Variants in SMIM13 observed in about 807,000 individuals in gnomAD.
SMIM13 encodes small integral membrane protein 13.
SMIM13 carries 3 observed loss-of-function variants against 5.9 expected under a neutral mutation model. The observed-to-expected ratio is 0.51, with a 90% CI of 0.23 to 1.31. The LOEUF (loss-of-function observed/expected upper bound fraction) is 1.31. Ranked by LOEUF, SMIM13 falls within the 40% of genes most tolerant of loss-of-function variation. SMIM13 has a pLI of 0.18. For synonymous variants in SMIM13, 55 were observed against 46.0 expected (o/e 1.19, Z -0.79); for missense variants, 85 against 109.9 (o/e 0.77, Z 1.01).
At position 11,105,003 on chromosome 6, in the gene SMIM13, A is replaced by G. The variant is rs900271216; in HGVS notation, c.76+10614A>G. On this transcript the variant is annotated intron_variant, in intron 1 of 1. Transcript: ENST00000416247. ...TCCGAAAATGGGAGGTTTCTGGCGG[A>G]TATCAGGGAAATCTTGCTTTACTGT... 3 of 1,614,204 alleles carry G rather than the reference A, an allele frequency of 1.9e-6. No homozygotes were observed. Among genetic ancestry groups the G allele is most frequent in the Non-Finnish European group, 2.5e-6 (3 of 1,180,042 alleles).
intron 1 of SMIM13, among the ~76,000 whole-genome samples, chr6:11,133,986 C>G (rs1758486060): frequency 6.6e-6 from 1 of 151,698 alleles, no homozygotes; most frequent in South Asian, 2.1e-4. Context: ...CTGTTTAAGG[C>G]CTTATGGATT....
At chr6:11,132,879 A>T (rs1758469349) in intron 1 of SMIM13, among the ~76,000 whole-genome samples, 1 of 152,188 alleles carries the variant, frequency 6.6e-6, no homozygotes, top group South Asian at 2.1e-4. Context: ...TGGATATACT[A>T]AAAAACACGG....
intron 1 of SMIM13, among the ~76,000 whole-genome samples, chr6:11,117,746 CT>C (rs561151019): frequency 0.048 from 6,708 of 140,914 alleles, 147 homozygotes; most frequent in Non-Finnish European, 0.064. Flanking sequence ...TATGGTCTAT[CT>C]TTTTTTTTTT....
At chr6:11,114,586 T>G (rs60969312) in intron 1 of SMIM13, among the ~76,000 whole-genome samples, 19,031 of 124,168 alleles carry the variant, frequency 0.15, 1,826 homozygotes, top group African/African-American at 0.23. Flanking sequence ...GTCATGCACT[T>G]TTTCTCTTTT....
intron 1 of SMIM13, among the ~76,000 whole-genome samples, chr6:11,131,978 A>G (rs959351734): frequency 4.6e-5 from 7 of 152,196 alleles, no homozygotes; most frequent in Non-Finnish European, 8.8e-5. Context: ...AAGACAGTGA[A>G]AAGCCGGCCC....
intron 1 of SMIM13, among the ~76,000 whole-genome samples, chr6:11,109,351 T>C (rs1758136184): frequency 6.6e-6 from 1 of 152,168 alleles, no homozygotes; most frequent in African/African-American, 2.4e-5. Flanking sequence ...CTGGGACCAC[T>C]AAACCTCCTG....
intron 1 of SMIM13, chr6:11,104,510 C>T: frequency 1.9e-6 from 3 of 1,561,790 alleles, no homozygotes; most frequent in African/African-American, 1.4e-5. Flanking sequence ...CTGATATGCC[C>T]AGGTAGCTGG....
chr6:11,105,128 C>G, intron 1 of SMIM13: 1 of 1,614,106 alleles, frequency 6.2e-7, no homozygotes, highest in Non-Finnish European at 8.5e-7. Context: ...ATTCTCTGGG[C>G]GAGGCTGGAT....
chr6:11,114,592 C>CTTTTTTTTTTTTTTTTTTTTT (rs58585640), intron 1 of SMIM13, among the ~76,000 whole-genome samples: 2 of 21,824 alleles, frequency 9.2e-5, no homozygotes, highest in Non-Finnish European at 1.5e-4. Flanking sequence ...CACTTTTTCT[C>CTTTTTTTTTTTTTTTTTTTTT]TTTTTTTTTT....
intron 1 of SMIM13, among the ~76,000 whole-genome samples, chr6:11,132,534 A>C (rs1213035596): frequency 6.6e-6 from 1 of 152,244 alleles, no homozygotes; most frequent in Non-Finnish European, 1.5e-5. Context: ...ATGTCTATCA[A>C]TTGATGAATC....
At chr6:11,103,307 T>G (rs951324462) in intron 1 of SMIM13, 23 of 184,342 alleles carry the variant, frequency 1.2e-4, no homozygotes, top group Non-Finnish European at 2.3e-4. Context: ...AGGCCATCGT[T>G]CCCTGGCGCC....
At position 11,107,121 on chromosome 6, in the gene SMIM13, C is replaced by T. The variant is rs751470006; in HGVS notation, c.76+12732C>T. ...GACAAAGCTATTCCCACCTGAAAAC[C>T]GTATGTCATGTGGATTATCTAGGAG... On this transcript the variant is annotated intron_variant, in intron 1 of 1. Transcript: ENST00000416247. Among the ~76,000 whole-genome samples, 88 of 152,130 alleles carry T rather than the reference C, an allele frequency of 5.8e-4. 2 individuals are homozygous for T. Among genetic ancestry groups the T allele is most frequent in the Non-Finnish European group, 2.9e-4 (20 of 68,018 alleles).
intron 1 of SMIM13, among the ~76,000 whole-genome samples, chr6:11,129,691 G>A (rs919612878): frequency 4.6e-5 from 7 of 151,842 alleles, no homozygotes; most frequent in Admixed American, 4.6e-4. Context: ...CTATGTGTCT[G>A]TTTTTTTATT....
chr6:11,108,047 A>G (rs1758112954), intron 1 of SMIM13, among the ~76,000 whole-genome samples: 1 of 152,170 alleles, frequency 6.6e-6, no homozygotes, highest in Non-Finnish European at 1.5e-5. Context: ...GCATTTGAAA[A>G]AGGGGGTGTT....
chr6:11,120,799 A>ATG (rs1758298904), intron 1 of SMIM13, among the ~76,000 whole-genome samples: 1 of 152,176 alleles, frequency 6.6e-6, no homozygotes, highest in Admixed American at 6.5e-5. Flanking sequence ...AATGGGAATA[A>ATG]TGATTGCTGG....
chr6:11,114,744 G>A (rs966584601), intron 1 of SMIM13, among the ~76,000 whole-genome samples: 11 of 150,676 alleles, frequency 7.3e-5, no homozygotes, highest in East Asian at 3.9e-4. Flanking sequence ...GATTACAGGC[G>A]TGTACCACCA....
At position 11,136,848 on chromosome 6, in the gene SMIM13, T is replaced by C. The variant is rs1758523383; in HGVS notation, c.*2246T>C. ...AAAAAAATAATGCCCCCAAAAACTTTTGGGGGCATTATTTGGTACTGGGAG... is the reference window on the plus strand; with the variant it reads ...AAAAAAATAATGCCCCCAAAAACTTCTGGGGGCATTATTTGGTACTGGGAG... On this transcript the variant is annotated 3_prime_UTR_variant, in exon 2 of 2. Transcript: ENST00000416247. The C allele has an allele frequency of 6.6e-6, 1 of 152,026 alleles. No homozygotes were observed. Among genetic ancestry groups the C allele is most frequent in the Non-Finnish European group, 1.5e-5 (1 of 67,964 alleles). 9.4% of individuals were successfully genotyped at this position (152,026 alleles called of 1,614,324 possible).
intron 1 of SMIM13, among the ~76,000 whole-genome samples, chr6:11,113,254 T>A (rs191639195): frequency 6.6e-6 from 1 of 152,386 alleles, no homozygotes; most frequent in East Asian, 1.9e-4. Context: ...CCAGCAGTCA[T>A]GAGTGAGAAT....
At chr6:11,099,299 C>T (rs759720937) in intron 1 of SMIM13, among the ~76,000 whole-genome samples, 11 of 152,068 alleles carry the variant, frequency 7.2e-5, no homozygotes, top group African/African-American at 9.7e-5. Flanking sequence ...TTCAGCCTCC[C>T]GAGTAGCTGA....
Sources: allele counts gnomAD v4.1 joint callset (sites outside exome capture counted in the v4.1 genomes callset), GRCh38; gene constraint gnomAD v4.1.1; transcripts MANE v1.5; gene names NCBI Gene and HGNC (gene_info 2026-07-23, HGNC 2026-07-21).